The following ADAMTS3 variants were observed in gnomAD, a reference collection of about 807,000 sequenced individuals.
ADAMTS3 encodes the protein A disintegrin and metalloproteinase with thrombospondin motifs 3.
In ADAMTS3, 73 loss-of-function variants were observed where a neutral mutation model predicts 129.0. The observed-to-expected ratio is 0.57, with a 90% confidence interval of 0.47 to 0.69. ADAMTS3 has a LOEUF of 0.69. ADAMTS3 is among the 30% of genes least tolerant of loss of function. The pLI is 0.00. For synonymous variants in ADAMTS3, 477 were observed against 510.8 expected, an observed-to-expected ratio of 0.93 and a Z score of 0.89; for missense variants, 1,457 against 1,514.5, an observed-to-expected ratio of 0.96 and a Z score of 0.63.
At chr4:72,482,617 T>C (rs969514789) in intron 3 of ADAMTS3, among the ~76,000 whole-genome samples, 1 of 152,148 alleles carries the variant, frequency 6.6e-6, no homozygotes, top group African/African-American at 2.4e-5. Context: ...CAATATTCTA[T>C]TGGTAATATC....
At chr4:72,285,246 C>T (rs1718473766) in intron 21 of ADAMTS3, among the ~76,000 whole-genome samples, 1 of 152,186 alleles carries the variant, frequency 6.6e-6, no homozygotes, top group Non-Finnish European at 1.5e-5. Flanking sequence ...CTCATATATG[C>T]TTGACATGTG....
rs1720303104 is a variant in ADAMTS3 at position 72,511,132 on chromosome 4, T to C, written c.504+37346A>G. ...TCCATATGCAAAAATCAAATCAAAA[T>C]AGATTAAAGACTTAAATCTCAGAGC... On this transcript the variant is annotated intron_variant, in intron 3 of 21. Transcript: ENST00000286657. 1.3e-5 allele frequency among the ~76,000 whole-genome samples: 2 copies of C among 152,086 alleles called. 1 individual carries two copies. The highest frequency in any genetic ancestry group is 1.3e-4 in the Admixed American group (2 of 15,244).
chr4:72,428,286 T>C (rs1267520070), intron 3 of ADAMTS3, among the ~76,000 whole-genome samples: 1 of 152,102 alleles, frequency 6.6e-6, no homozygotes, highest in African/African-American at 2.4e-5. Flanking sequence ...AAAATTTTAT[T>C]CATTAAAAAA....
chr4:72,397,921 T>C (rs534770800), intron 4 of ADAMTS3, among the ~76,000 whole-genome samples: 124 of 152,150 alleles, frequency 8.1e-4, no homozygotes, highest in Non-Finnish European at 1.5e-3. Context: ...TTGTAAACTA[T>C]GTAGGATACA....
rs1720616775 is a variant in ADAMTS3 at position 72,357,749 on chromosome 4, AAAT to A, written c.662-18059_662-18057del. 3.3e-5 allele frequency among the ~76,000 whole-genome samples: 5 copies of A among 152,114 alleles called. No individual in the cohort carries two copies. The South Asian group carries it at 1.0e-3, about 31-fold the overall frequency. On this transcript the variant is annotated intron_variant, in intron 4 of 21. Transcript: ENST00000286657. ...CAATATGCATGATGGTTACATCTGT[AAAT>A]TTTCAATGAGTGAAAAGTTTATGAT...
intron 4 of ADAMTS3, among the ~76,000 whole-genome samples, chr4:72,342,348 T>G (rs1158473894): frequency 6.8e-6 from 1 of 146,576 alleles, no homozygotes; most frequent in East Asian, 2.0e-4. Context: ...GATTGGAAAT[T>G]TCCCCAATTA....
intron 4 of ADAMTS3, among the ~76,000 whole-genome samples, chr4:72,374,770 G>T (rs1041619839): frequency 1.3e-5 from 2 of 152,114 alleles, no homozygotes; most frequent in Admixed American, 6.6e-5. Context: ...TGTGGAACCT[G>T]TTACTATGAC....
chr4:72,517,319 A>T (rs1189597861), intron 3 of ADAMTS3, among the ~76,000 whole-genome samples: 8 of 152,272 alleles, frequency 5.3e-5, no homozygotes, highest in African/African-American at 1.9e-4. Flanking sequence ...TGTCTCTGCC[A>T]GGCTTTGGTA....
intron 2 of ADAMTS3, among the ~76,000 whole-genome samples, chr4:72,557,358 T>G (rs2222220): frequency 0.96 from 146,107 of 151,660 alleles, 70,782 homozygotes; most frequent in East Asian, 1. Context: ...TTAAGGGGAA[T>G]GGTACACATC....
At chr4:72,430,617 T>C (rs1010774604) in intron 3 of ADAMTS3, among the ~76,000 whole-genome samples, 11 of 151,994 alleles carry the variant, frequency 7.2e-5, no homozygotes, top group Non-Finnish European at 8.8e-5. Flanking sequence ...TCCATGAACA[T>C]AGTAAATTAA....
In ADAMTS3 at chr4:72,397,447, C is replaced by T. The variant is rs552222310; in HGVS notation, c.661+17368G>A. 6.3e-4 allele frequency among the ~76,000 whole-genome samples: 96 copies of T among 151,948 alleles called. 1 individual carries two copies. Among genetic ancestry groups the T allele is most frequent in the African/African-American group, 2.2e-3 (93 of 41,442 alleles). ...AGGTGCCGTGGCGGGTGCTTGTAATCCCAGCTACTCAGGAACCTAAGGCAG... is the reference window on the plus strand; with the variant it reads ...AGGTGCCGTGGCGGGTGCTTGTAATTCCAGCTACTCAGGAACCTAAGGCAG... On this transcript the variant is annotated intron_variant, in intron 4 of 21. Coordinates refer to ENST00000286657, the MANE Select transcript of ADAMTS3 (RefSeq NM_014243.3).
chr4:72,468,257 C>A (rs1718972981), intron 3 of ADAMTS3, among the ~76,000 whole-genome samples: 1 of 152,018 alleles, frequency 6.6e-6, no homozygotes, highest in Non-Finnish European at 1.5e-5. Flanking sequence ...ATTGGCAAAA[C>A]TTCACAATTG....
At chr4:72,389,635 A>G (rs184705692) in intron 4 of ADAMTS3, among the ~76,000 whole-genome samples, 143 of 152,332 alleles carry the variant, frequency 9.4e-4, no homozygotes, top group Admixed American at 2.0e-3. Context: ...AAGCAACTCA[A>G]ATGTGCCAAC....
chr4:72,410,051 T>C (rs760559644), intron 4 of ADAMTS3, among the ~76,000 whole-genome samples: 23 of 152,148 alleles, frequency 1.5e-4, no homozygotes, highest in Non-Finnish European at 3.1e-4. Flanking sequence ...CTGAAATTAA[T>C]TTCTATTGTT....
chr4:72,381,265 C>CT (rs371309165), intron 4 of ADAMTS3, among the ~76,000 whole-genome samples: 104 of 152,092 alleles, frequency 6.8e-4, no homozygotes, highest in African/African-American at 2.4e-3. Flanking sequence ...AACAAATAAC[C>CT]TTTTTTTATT....
At chr4:72,364,700 A>G (rs1358629012) in intron 4 of ADAMTS3, among the ~76,000 whole-genome samples, 2 of 152,204 alleles carry the variant, frequency 1.3e-5, no homozygotes, top group East Asian at 3.9e-4. Context: ...AATGTTTATT[A>G]ATGTATAAAG....
At chr4:72,432,929 C>G (rs781615485) in intron 3 of ADAMTS3, among the ~76,000 whole-genome samples, 1 of 151,914 alleles carries the variant, frequency 6.6e-6, no homozygotes, top group Non-Finnish European at 1.5e-5. Flanking sequence ...AATTAACACT[C>G]AGAAACTAGT....
intron 3 of ADAMTS3, among the ~76,000 whole-genome samples, chr4:72,433,460 G>A (rs909340625): frequency 6.6e-6 from 1 of 151,742 alleles, no homozygotes; most frequent in African/African-American, 2.4e-5. Context: ...ACTCGACCCT[G>A]GTATATTAAA....
chr4:72,421,802 TTC>T (rs1360353742), intron 3 of ADAMTS3, among the ~76,000 whole-genome samples: 1 of 152,192 alleles, frequency 6.6e-6, no homozygotes, highest in Non-Finnish European at 1.5e-5. Context: ...ATATTAATAT[TTC>T]TCTGAGTAGC....
Sources: gnomAD v4.1 joint callset for allele counts (sites outside exome capture counted in the v4.1 genomes callset) on GRCh38, gnomAD v4.1.1 for gene constraint, MANE v1.5 for transcripts, NCBI Gene and HGNC (gene_info 2026-07-23, HGNC 2026-07-21) for gene names.